The following LRGUK variants were observed in gnomAD, a reference collection of about 807,000 sequenced individuals.
The protein encoded by LRGUK is leucine rich repeats and guanylate kinase domain containing, also known as leucine-rich repeat and guanylate kinase domain-containing protein.
LRGUK carries 65 observed loss-of-function variants against 76.0 expected under a neutral mutation model. The observed-to-expected ratio is 0.85, with a 90% CI of 0.70 to 1.05. LRGUK has a LOEUF of 1.05. Among genes scored for constraint, LRGUK ranks in the 50% least tolerant of loss-of-function variants. The pLI is 0.00. For missense variants in LRGUK, 758 were observed against 732.8 expected, an observed-to-expected ratio of 1.03 and a Z score of -0.40; for synonymous variants, 268 against 265.6, an observed-to-expected ratio of 1.01 and a Z score of -0.09.
At chr7:134,145,542 T>G (rs973411221) in intron 4 of LRGUK, among the ~76,000 whole-genome samples, 3 of 152,164 alleles carry the variant, frequency 2.0e-5, no homozygotes, top group African/African-American at 7.2e-5. Context: ...CTGCTGCGCC[T>G]GGCCTCAGGT....
chr7:134,157,725 G>A (rs530549650), intron 5 of LRGUK, among the ~76,000 whole-genome samples: 98 of 152,186 alleles, frequency 6.4e-4, no homozygotes, highest in Non-Finnish European at 1.1e-3. Context: ...GGGTTTCACC[G>A]TGTTAGCCAG....
rs1802531313 is a variant in LRGUK at position 134,254,690 on chromosome 7, T to G, written c.2199-3567T>G. On this transcript the variant is annotated intron_variant, in intron 18 of 19. Transcript: ENST00000285928. ...ATAGGAATTTGTGGGGATGCAAACATTCAGACCCTAGCAGATACTAATAAA... is the reference window on the plus strand; with the variant it reads ...ATAGGAATTTGTGGGGATGCAAACAGTCAGACCCTAGCAGATACTAATAAA... 2.6e-5 allele frequency among the ~76,000 whole-genome samples: 4 copies of G among 152,122 alleles called. 1 individual carries two copies. The highest frequency in any genetic ancestry group is 1.3e-4 in the Admixed American group (2 of 15,272).
At chr7:134,243,040 G>C (rs1277677046) in intron 16 of LRGUK, among the ~76,000 whole-genome samples, 6 of 152,116 alleles carry the variant, frequency 3.9e-5, no homozygotes. Context: ...ACTAGTTATT[G>C]ATGGGACATA....
intron 11 of LRGUK, among the ~76,000 whole-genome samples, chr7:134,187,081 A>G (rs918766815): frequency 2.0e-5 from 3 of 152,162 alleles, no homozygotes; most frequent in Non-Finnish European, 4.4e-5. Context: ...ATAAAAGACT[A>G]TGCATCGGAT....
At chr7:134,178,372 T>C (rs1240455240) in intron 9 of LRGUK, 131 bp from the exon 10 acceptor site, 7 of 552,338 alleles carry the variant, frequency 1.3e-5, no homozygotes, top group Admixed American at 6.8e-5. Flanking sequence ...CTAATGTTAA[T>C]GGGTGTGTGT....
At chr7:134,216,046 T>G (rs1801428762) in intron 15 of LRGUK, among the ~76,000 whole-genome samples, 1 of 152,216 alleles carries the variant, frequency 6.6e-6, no homozygotes, top group South Asian at 2.1e-4. Context: ...AAATTCCATT[T>G]GCATTACAAT....
intron 5 of LRGUK, among the ~76,000 whole-genome samples, chr7:134,157,813 G>A (rs1309747218): frequency 1.3e-5 from 2 of 152,108 alleles, no homozygotes; most frequent in African/African-American, 4.8e-5. Context: ...GTGAGCCACC[G>A]CACCCAGCCA....
At chr7:134,264,873 A>G (rs1043460326), downstream of LRGUK, among the ~76,000 whole-genome samples, 2 of 152,206 alleles carry the variant, frequency 1.3e-5, no homozygotes, top group African/African-American at 4.8e-5. Context: ...TACTATACTC[A>G]TTGTTAAATA....
rs958184382 is a variant in LRGUK at position 134,258,120 on chromosome 7, G to T, written c.2199-137G>T. 1.7e-5 allele frequency: 18 copies of T among 1,047,842 alleles called. No individual in the cohort carries two copies. The African/African-American group carries it at 2.5e-4, about 15-fold the overall frequency. 64.9% of individuals were successfully genotyped at this position (1,047,842 alleles called of 1,614,324 possible). A position where few individuals can be genotyped will look rare whatever the true frequency, so the allele number is the denominator to read the frequency against. On this transcript the variant is annotated intron_variant, in intron 18 of 19. Coordinates refer to the LRGUK transcript ENST00000285928. ...CTTCTATAGACACTGTTGAACACTAGCTCAACACAAGACATGTCCACTAAC... is the reference window on the plus strand; with the variant it reads ...CTTCTATAGACACTGTTGAACACTATCTCAACACAAGACATGTCCACTAAC...
At chr7:134,233,670 A>G (rs1801952021) in intron 16 of LRGUK, among the ~76,000 whole-genome samples, 1 of 152,234 alleles carries the variant, frequency 6.6e-6, no homozygotes. Flanking sequence ...CAGAAGAAAA[A>G]TGCCTTCTTT....
chr7:134,166,236 G>A (rs1798978005), intron 7 of LRGUK, among the ~76,000 whole-genome samples: 1 of 152,104 alleles, frequency 6.6e-6, no homozygotes, highest in South Asian at 2.1e-4. Flanking sequence ...TCAGTATTAT[G>A]TACTTGGTTT....
chr7:134,178,060 G>A (rs1799556311), intron 9 of LRGUK, among the ~76,000 whole-genome samples: 1 of 152,160 alleles, frequency 6.6e-6, no homozygotes. Context: ...CATTCTTGGT[G>A]AAATGGTATG....
At chr7:134,270,042 T>A in the LRGUK span, among the ~76,000 whole-genome samples, 1 of 152,180 alleles carries the variant, frequency 6.6e-6, no homozygotes, top group African/African-American at 2.4e-5. Context: ...AAGGCAAAGA[T>A]GACTACTCTC....
At chr7:134,196,261 T>A (rs543033334) in intron 12 of LRGUK, among the ~76,000 whole-genome samples, 12 of 152,066 alleles carry the variant, frequency 7.9e-5, no homozygotes, top group Non-Finnish European at 1.6e-4. Context: ...AAAGAAAAAA[T>A]CACAGACAAT....
At chr7:134,183,656 A>G in intron 10 of LRGUK, 78 bp from the exon 11 acceptor site, 2 of 1,556,432 alleles carry the variant, frequency 1.3e-6, no homozygotes, top group South Asian at 1.2e-5. Context: ...AGCCAGGTTA[A>G]TGGTGGCCTA....
In LRGUK at chr7:134,247,124, A is replaced by T. The variant is rs868543025; in HGVS notation, c.1984-432A>T. 2.0e-5 allele frequency among the ~76,000 whole-genome samples: 3 copies of T among 152,296 alleles called. No individual in the cohort carries two copies. In the South Asian group the frequency reaches 6.2e-4, roughly 32 times the overall value. ...ATAATGAGAGAAAGACCGCCCCCAT[A>T]AATTTTTCCTATTTCCGGATCATAA... On this transcript the variant is annotated intron_variant, in intron 16 of 19. Coordinates refer to the LRGUK transcript ENST00000285928.
At chr7:134,214,453 A>T (rs1389709252), downstream of LRGUK, among the ~76,000 whole-genome samples, 1 of 152,214 alleles carries the variant, frequency 6.6e-6, no homozygotes, top group African/African-American at 2.4e-5. Flanking sequence ...GGATGTTCAT[A>T]TCAGTGTTTT....
At chr7:134,175,617 C>T (rs185243661) in intron 8 of LRGUK, among the ~76,000 whole-genome samples, 1 of 152,184 alleles carries the variant, frequency 6.6e-6, no homozygotes, top group Admixed American at 6.5e-5. Flanking sequence ...TACACCTAAG[C>T]TTTGTACATT....
intron 15 of LRGUK, among the ~76,000 whole-genome samples, chr7:134,202,329 AC>A (rs1800806783): frequency 1.3e-5 from 2 of 150,804 alleles, no homozygotes; most frequent in Non-Finnish European, 3.0e-5. Flanking sequence ...AAAAAAAAAA[AC>A]AGAAATTAAC....
Sources: allele counts gnomAD v4.1 joint callset (sites outside exome capture counted in the v4.1 genomes callset), GRCh38; gene constraint gnomAD v4.1.1; transcripts MANE v1.5; gene names NCBI Gene and HGNC (gene_info 2026-07-23, HGNC 2026-07-21).